Variants in XRN2 observed in about 807,000 individuals in gnomAD.
XRN2 encodes 5'-3' exoribonuclease 2, also known as DHM1-like protein.
XRN2 carries 44 observed loss-of-function variants against 138.5 expected under a neutral mutation model. That is an observed-to-expected ratio of 0.32 (90% CI 0.25 to 0.41). The LOEUF (loss-of-function observed/expected upper bound fraction) is 0.41, where lower values mean the gene tolerates loss of function less well. XRN2 is among the 10% of genes least tolerant of loss of function. The pLI, the probability that XRN2 is intolerant of heterozygous loss-of-function variation, is 1.00. For missense variants in XRN2, 937 were observed against 1,169.3 expected (o/e 0.80, Z 2.90); for synonymous variants, 354 against 369.4 (o/e 0.96, Z 0.48).
Position 21,304,630 on chromosome 20 carries a change from ATCTGTTGAAT to A in XRN2, c.75+1161_75+1170del, listed in dbSNP as rs2037790107. Among the ~76,000 whole-genome samples, 3 of 152,106 alleles carry A rather than the reference ATCTGTTGAAT, an allele frequency of 2.0e-5. No individual in the cohort carries two copies. The South Asian group carries it at 6.2e-4, about 32-fold the overall frequency. On this transcript the variant is annotated intron_variant, in intron 1 of 29. Transcript: ENST00000377191. The stretch of plus-strand genomic sequence containing the variant: ...CATACTTATACGTTATCACTTTTAG[ATCTGTTGAAT>A]TCTAGCTGGAATAGGAGAGGATTTA...
intron 13 of XRN2, among the ~76,000 whole-genome samples, chr20:21,336,486 A>C (rs2038295977): frequency 6.6e-6 from 1 of 152,160 alleles, no homozygotes. Flanking sequence ...ATTGTTATTG[A>C]AGTTGAGCAT....
chr20:21,343,341 T>C (rs1390874887), intron 15 of XRN2, among the ~76,000 whole-genome samples: 2 of 152,026 alleles, frequency 1.3e-5, no homozygotes, highest in African/African-American at 2.4e-5. Context: ...TAACGTATTA[T>C]GTTAATTGAG....
At position 21,356,187 on chromosome 20, in the gene XRN2, G is replaced by A. The variant is rs3787500; in HGVS notation, c.2118+10G>A. ...GACAGGTTCCACAGAGGTATGTTAC[G>A]CAATTTGGTTAATTAGAAATGCACT... On this transcript the variant is annotated intron_variant, in intron 22 of 29. Transcript: ENST00000377191. 0.64 allele frequency: 1,007,859 copies of A among 1,586,922 alleles called. 327,458 individuals carry two copies. The highest frequency in any genetic ancestry group is 0.72 in the Middle Eastern group (4,261 of 5,932).
At chr20:21,387,043 T>C (rs759962555) in intron 29 of XRN2, 37 bp downstream of exon 29, 7 of 1,575,220 alleles carry the variant, frequency 4.4e-6, no homozygotes, top group Middle Eastern at 1.7e-4. Context: ...ACTGCTCACT[T>C]TATATTTCAA....
At chr20:21,367,986 A>G (rs1177955466) in intron 26 of XRN2, among the ~76,000 whole-genome samples, 5 of 152,184 alleles carry the variant, frequency 3.3e-5, no homozygotes, top group Non-Finnish European at 5.9e-5. Context: ...ACGAAATGAG[A>G]GAAATGGTTT....
intron 1 of XRN2, among the ~76,000 whole-genome samples, chr20:21,316,269 CA>C (rs948223982): frequency 5.3e-5 from 8 of 152,138 alleles, no homozygotes; most frequent in Non-Finnish European, 1.0e-4. Context: ...AACAAACAAA[CA>C]AAAAAGTTTA....
intron 16 of XRN2, among the ~76,000 whole-genome samples, chr20:21,345,372 G>T (rs924537260): frequency 6.6e-6 from 1 of 152,140 alleles, no homozygotes; most frequent in Non-Finnish European, 1.5e-5. Flanking sequence ...CTGTAAAATA[G>T]TGATAATCCA....
chr20:21,324,288 G>A lies in XRN2; in HGVS notation c.76-1991G>A, dbSNP rs559200452. Among the ~76,000 whole-genome samples the A allele has an allele frequency of 6.6e-5, 10 of 151,832 alleles. No homozygotes were observed. The South Asian group carries it at 1.9e-3, about 28-fold the overall frequency. On this transcript the variant is annotated intron_variant, in intron 1 of 29. Transcript: ENST00000377191. Reference sequence around the variant, plus strand: ...CTCTGTTCTGCCTTAAATCCCTTTTGTTATTCTTTCCCTCCAATTCTAAGT... The same window carrying A: ...CTCTGTTCTGCCTTAAATCCCTTTTATTATTCTTTCCCTCCAATTCTAAGT...
At chr20:21,312,892 A>G (rs1363856095) in intron 1 of XRN2, among the ~76,000 whole-genome samples, 2 of 152,134 alleles carry the variant, frequency 1.3e-5, no homozygotes, top group Non-Finnish European at 2.9e-5. Flanking sequence ...GTGAGCCACC[A>G]TGCCTGGGCC....
At chr20:21,374,616 G>T (rs1444564710) in intron 27 of XRN2, among the ~76,000 whole-genome samples, 1 of 151,848 alleles carries the variant, frequency 6.6e-6, no homozygotes, top group African/African-American at 2.4e-5. Context: ...GATTGATTTT[G>T]AAATATTAAA....
In XRN2 at chr20:21,326,275, A is replaced by G; in HGVS notation, c.76-4A>G. Reference sequence around the variant, plus strand: ...AACTACTATTAATTATCACTTCCTCATAGCCAAAAGAATGCAATGGTGTAA... The same window carrying G: ...AACTACTATTAATTATCACTTCCTCGTAGCCAAAAGAATGCAATGGTGTAA... On this transcript the variant is annotated splice_region_variant and splice_polypyrimidine_tract_variant and intron_variant, in intron 1 of 29. Transcript: ENST00000377191. 6 of 1,612,742 alleles carry G rather than the reference A, an allele frequency of 3.7e-6. No homozygotes were observed. Among genetic ancestry groups the G allele is most frequent in the Non-Finnish European group, 5.1e-6 (6 of 1,179,190 alleles).
In XRN2 at chr20:21,326,410, C is replaced by T. The variant is rs925954912; in HGVS notation, c.203+4C>T. The T allele has an allele frequency of 4.3e-6, 7 of 1,613,442 alleles. No homozygotes were observed. The highest frequency in any genetic ancestry group is 1.3e-5 in the African/African-American group (1 of 74,874). Reference sequence around the variant, plus strand: ...CCTGTACTCATCCTGAAGACAAGTACGTAACCCATTTTTGTCACTGATATA... The same window carrying T: ...CCTGTACTCATCCTGAAGACAAGTATGTAACCCATTTTTGTCACTGATATA... On this transcript the variant is annotated splice_donor_region_variant and intron_variant, in intron 2 of 29. Coordinates refer to ENST00000377191, the MANE Select transcript of XRN2 (RefSeq NM_012255.5).
intron 4 of XRN2, among the ~76,000 whole-genome samples, chr20:21,330,012 A>T (rs2038183651): frequency 6.6e-6 from 1 of 152,120 alleles, no homozygotes. Context: ...GCTGAGCACG[A>T]TGGCTCACCC....
At chr20:21,303,592 C>A in intron 1 of XRN2, 119 bp downstream of exon 1, 2 of 1,387,720 alleles carry the variant, frequency 1.4e-6, no homozygotes, top group Non-Finnish European at 1.9e-6. Flanking sequence ...CGCCCTGCTG[C>A]CAGCCTCGCG....
intron 1 of XRN2, among the ~76,000 whole-genome samples, chr20:21,304,086 A>G (rs1026781012): frequency 7.9e-5 from 12 of 152,162 alleles, no homozygotes; most frequent in Non-Finnish European, 1.5e-4. Context: ...TGCCCTGACT[A>G]CTGAACGGGG....
In XRN2 at chr20:21,340,798, A is replaced by G; in HGVS notation, c.1356A>G (p.Gln452=). 3.1e-6 allele frequency: 5 copies of G among 1,614,020 alleles called. No homozygotes were observed. Among genetic ancestry groups the G allele is most frequent in the Non-Finnish European group, 3.4e-6 (4 of 1,179,912 alleles). ...GTTCAAGAAATTCACCAGGTTCTCA[A>G]GTAGCCAGTAATCCGAGACAAGCAG... ...ALGSRNSPGS[Q]VASNPRQAAY... Residue 452 remains glutamine, a synonymous_variant, in exon 15 of 30, where the codon CAA becomes CAG. Transcript: ENST00000377191.
chr20:21,318,320 A>G (rs1380233979), intron 1 of XRN2, among the ~76,000 whole-genome samples: 1 of 151,892 alleles, frequency 6.6e-6, no homozygotes, highest in Non-Finnish European at 1.5e-5. Context: ...TTTTTCTTTC[A>G]TCAGACTAGC....
intron 24 of XRN2, among the ~76,000 whole-genome samples, chr20:21,364,340 C>G (rs1225042827): frequency 6.6e-6 from 1 of 152,078 alleles, no homozygotes; most frequent in Non-Finnish European, 1.5e-5. Context: ...AAGTATAAAT[C>G]TGGTGTATAA....
chr20:21,353,943 G>A (rs559030384), intron 20 of XRN2, among the ~76,000 whole-genome samples: 2 of 152,212 alleles, frequency 1.3e-5, no homozygotes, highest in African/African-American at 4.8e-5. Context: ...GTGGTTTTGA[G>A]TAGCAGTAGT....
Sources: gnomAD v4.1 joint callset for allele counts (sites outside exome capture counted in the v4.1 genomes callset) on GRCh38, gnomAD v4.1.1 for gene constraint, MANE v1.5 for transcripts, NCBI Gene and HGNC (gene_info 2026-07-23, HGNC 2026-07-21) for gene names.